Variants in DYSF observed in about 807,000 individuals in gnomAD.
The protein encoded by DYSF is dystrophy-associated fer-1-like 1.
DYSF carries 212 observed loss-of-function variants against 274.9 expected under a neutral mutation model. That is an observed-to-expected ratio of 0.77 (90% CI 0.69 to 0.86). The LOEUF is 0.86. Ranked by LOEUF, DYSF falls within the 40% of genes least tolerant of loss-of-function variation. DYSF has a pLI of 0.00. For synonymous variants in DYSF, 1,091 were observed against 1,078.7 expected (o/e 1.01, Z -0.22); for missense variants, 2,666 against 2,783.2 (o/e 0.96, Z 0.95).
chr2:71,564,640 G>A lies in DYSF; in HGVS notation c.2565+427G>A, dbSNP rs115507277. 9.1e-3 allele frequency among the ~76,000 whole-genome samples: 1,388 copies of A among 152,300 alleles called. 12 individuals carry two copies. Among genetic ancestry groups the A allele is most frequent in the African/African-American group, 0.031 (1,299 of 41,560 alleles). On this transcript the variant is annotated intron_variant, in intron 24 of 55. Coordinates refer to ENST00000410020, the MANE Select transcript of DYSF (RefSeq NM_001130987.2). The stretch of plus-strand genomic sequence containing the variant: ...GGACTGGAGCTGGAGCCACTCTGAG[G>A]CTCAAGTCCTCCCTGCTGGGAAGGC...
chr2:71,539,193 C>A lies in DYSF; in HGVS notation c.1530C>A (p.Thr510=). The change falls in exon 17 of 56, where the codon ACC becomes ACA. Residue 510 remains threonine, a synonymous_variant. Coordinates refer to ENST00000410020, the MANE Select transcript of DYSF (RefSeq NM_001130987.2). ...CTCACAATGACATCGTGGCTACCAC[C>A]TACCTGAGTATGTCGAAAATCTCTG... The part of the protein sequence containing the change: ...RLTHNDIVAT[T]YLSMSKISAP... 1 of 1,614,138 alleles carries A rather than the reference C, an allele frequency of 6.2e-7. No individual in the cohort carries two copies.
intron 13 of DYSF, among the ~76,000 whole-genome samples, chr2:71,527,226 C>T (rs2088036441): frequency 6.6e-6 from 1 of 152,162 alleles, no homozygotes; most frequent in African/African-American, 2.4e-5. Context: ...CGCTGTGAGC[C>T]ACTATTTTAA....
At chr2:71,592,037 T>A (rs1467858812) in intron 32 of DYSF, among the ~76,000 whole-genome samples, 1 of 152,222 alleles carries the variant, frequency 6.6e-6, no homozygotes, top group Non-Finnish European at 1.5e-5. Flanking sequence ...GATTAGAACT[T>A]ACTCTGAGAA....
intron 1 of DYSF, among the ~76,000 whole-genome samples, chr2:71,476,064 C>T (rs1395352741): frequency 2.0e-5 from 3 of 152,170 alleles, no homozygotes; most frequent in Non-Finnish European, 4.4e-5. Context: ...GAGGACCTCA[C>T]TGGCCCCTAA....
At chr2:71,475,991 T>G (rs111626779) in intron 1 of DYSF, among the ~76,000 whole-genome samples, 150 of 152,204 alleles carry the variant, frequency 9.9e-4, no homozygotes, top group African/African-American at 3.5e-3. Flanking sequence ...AGGTTAGTCT[T>G]GAACTCCTGT....
rs370782638 is a variant in DYSF, at chr2:71,493,288, C to T, written c.240-9926C>T. Among the ~76,000 whole-genome samples, 9 of 152,318 alleles carry T rather than the reference C, an allele frequency of 5.9e-5. No individual in the cohort carries two copies. The East Asian group carries it at 7.7e-4, about 13-fold the overall frequency. On this transcript the variant is annotated intron_variant, in intron 3 of 55. Coordinates refer to ENST00000410020, the MANE Select transcript of DYSF (RefSeq NM_001130987.2). ...TAGCAATTTCCCTTTCCCTCTCCCC[C>T]AGTGCGGGATTCAGCCTGTGGTCCA...
intron 3 of DYSF, among the ~76,000 whole-genome samples, chr2:71,492,847 A>C (rs1312001492): frequency 6.6e-6 from 1 of 151,896 alleles, no homozygotes; most frequent in Non-Finnish European, 1.5e-5. Context: ...ACAGTTATCA[A>C]CTTCAGTAAA....
At chr2:71,527,969 G>T (rs182714147) in intron 13 of DYSF, among the ~76,000 whole-genome samples, 3 of 152,230 alleles carry the variant, frequency 2.0e-5, no homozygotes, top group Non-Finnish European at 2.9e-5. Context: ...TATAACAACT[G>T]CCAGTCCTTT....
chr2:71,568,468 C>G (rs959465923), intron 26 of DYSF, 130 bp downstream of exon 26: 1 of 1,235,816 alleles, frequency 8.1e-7, no homozygotes, highest in African/African-American at 1.5e-5. Context: ...ATAGGAACTT[C>G]CGCTGAACTC....
Position 71,659,026 on chromosome 2 carries a change from A to G in DYSF, c.4904A>G (p.Asn1635Ser), listed in dbSNP as rs772664716. The G allele has an allele frequency of 1.2e-4, 187 of 1,614,126 alleles. No homozygotes were observed. Among genetic ancestry groups the G allele is most frequent in the East Asian group, 1.1e-4 (5 of 44,872 alleles). The stretch of plus-strand genomic sequence containing the variant: ...TTTGGCCTGCAGCCCAAGGACCCCA[A>G]TGGAAAGGTAACTTTCCTAGAGCCC... ...RAFGLQPKDP[N>S]GKCDPYIKIS... is the part of the protein sequence containing the mutation. The change falls in exon 44 of 56, where the codon AAT becomes AGT. Residue 1635 changes from asparagine to serine, a missense_variant. Coordinates refer to ENST00000410020, the MANE Select transcript of DYSF (RefSeq NM_001130987.2).
intron 3 of DYSF, among the ~76,000 whole-genome samples, chr2:71,482,477 C>T (rs571330497): frequency 2.0e-5 from 3 of 152,034 alleles, no homozygotes; most frequent in East Asian, 1.9e-4. Flanking sequence ...ATGAGTAGCC[C>T]GGCCTGGGCG....
At chr2:71,513,397 T>C in intron 6 of DYSF, 65 bp downstream of exon 6, 1 of 1,496,342 alleles carries the variant, frequency 6.7e-7, no homozygotes, top group Admixed American at 2.0e-5. Flanking sequence ...CTAGCTGCCA[T>C]GGTCAGCTTG....
At chr2:71,466,479 C>T (rs559531263), upstream of DYSF, among the ~76,000 whole-genome samples, 52 of 152,286 alleles carry the variant, frequency 3.4e-4, no homozygotes, top group Non-Finnish European at 5.3e-4. Flanking sequence ...GCCTTGTGCG[C>T]TCTCGGAGGC....
intron 12 of DYSF, among the ~76,000 whole-genome samples, chr2:71,521,175 A>G (rs2087230664): frequency 6.6e-6 from 1 of 152,202 alleles, no homozygotes; most frequent in African/African-American, 2.4e-5. Context: ...ATATATGCAC[A>G]TATTTTCTTT....
chr2:71,631,845 G>T (rs577822591), intron 41 of DYSF, among the ~76,000 whole-genome samples: 2 of 151,858 alleles, frequency 1.3e-5, no homozygotes, highest in Non-Finnish European at 2.9e-5. Context: ...CTCCTCCCTC[G>T]CTGCACACTG....
chr2:71,551,753 G>A (rs780198425), intron 19 of DYSF, 33 bp downstream of exon 19: 45 of 1,551,206 alleles, frequency 2.9e-5, no homozygotes, highest in East Asian at 4.6e-5. Context: ...GGAGCTGGGC[G>A]TCGGGGCAGG....
intron 17 of DYSF, among the ~76,000 whole-genome samples, chr2:71,549,136 T>A (rs768704277): frequency 6.6e-5 from 10 of 152,116 alleles, no homozygotes; most frequent in Non-Finnish European, 1.2e-4. Context: ...TCATGGGGTG[T>A]TGGGGGCTGC....
At chr2:71,596,015 T>G (rs1206388999) in intron 32 of DYSF, among the ~76,000 whole-genome samples, 1 of 151,520 alleles carries the variant, frequency 6.6e-6, no homozygotes, top group Admixed American at 6.6e-5. Context: ...TTTTTTTTTT[T>G]TTTTGAGGAG....
intron 52 of DYSF, among the ~76,000 whole-genome samples, chr2:71,675,791 G>A (rs751907211): frequency 7.9e-5 from 12 of 151,848 alleles, no homozygotes; most frequent in Non-Finnish European, 1.3e-4. Context: ...ATGTATTATT[G>A]TATTATATAT....
Sources: gnomAD v4.1 joint callset for allele counts (sites outside exome capture counted in the v4.1 genomes callset) on GRCh38, gnomAD v4.1.1 for gene constraint, MANE v1.5 for transcripts, NCBI Gene and HGNC (gene_info 2026-07-23, HGNC 2026-07-21) for gene names.